The following BCAS3 variants were observed in gnomAD, a reference collection of about 807,000 sequenced individuals.
The protein encoded by BCAS3 is BCAS4/BCAS3 fusion.
Under a neutral mutation model 116.1 loss-of-function variants are expected in BCAS3, and 53 were observed. That is an observed-to-expected ratio of 0.46 (90% CI 0.37 to 0.57). BCAS3 has a LOEUF of 0.57. BCAS3 is among the 20% of genes least tolerant of loss of function. The probability of loss-of-function intolerance (pLI) is 0.00; values close to 1 mark genes in which losing one functional copy is unlikely to be tolerated. For synonymous variants in BCAS3, 391 were observed against 408.2 expected (o/e 0.96, Z 0.51); for missense variants, 917 against 1,165.4 (o/e 0.79, Z 3.10).
At chr17:60,882,153 T>C (rs995376416) in intron 9 of BCAS3, among the ~76,000 whole-genome samples, 4 of 152,122 alleles carry the variant, frequency 2.6e-5, no homozygotes, top group Non-Finnish European at 5.9e-5. Flanking sequence ...TGAGATGGTA[T>C]CTCATTGTGG....
At chr17:60,978,455 C>G (rs1192872997) in intron 14 of BCAS3, among the ~76,000 whole-genome samples, 1 of 148,328 alleles carries the variant, frequency 6.7e-6, no homozygotes. Flanking sequence ...TGTAGGTTGC[C>G]TGTTCACTCT....
At chr17:60,742,128 G>A (rs556854994) in intron 5 of BCAS3, among the ~76,000 whole-genome samples, 2 of 152,264 alleles carry the variant, frequency 1.3e-5, no homozygotes, top group East Asian at 1.9e-4. Flanking sequence ...TTAATATTCT[G>A]TTGGGCACTA....
At position 61,352,868 on chromosome 17, in the gene BCAS3, C is replaced by T. The variant is rs1179552962; in HGVS notation, c.2426-15459C>T. On this transcript the variant is annotated intron_variant, in intron 22 of 23. Coordinates refer to ENST00000407086, the MANE Select transcript of BCAS3 (RefSeq NM_017679.5). The surrounding 1 kb of genome is among the most constrained non-coding windows in gnomAD (Gnocchi z 4.7). ...GAGAAGGCCTGGTGCCGCCACACTC[C>T]TGCTCGGCTCCTAGGCTGCTAGCGG... Among the ~76,000 whole-genome samples, 1 of 152,208 alleles carries T rather than the reference C, an allele frequency of 6.6e-6. No homozygotes were observed. Among genetic ancestry groups the T allele is most frequent in the Non-Finnish European group, 1.5e-5 (1 of 68,038 alleles).
rs16944747 is a variant in BCAS3, at chr17:61,026,905, C to G, written c.1638-7761C>G. ...GAGCGGGGTGTTTTTCCATAAAAGC[C>G]CCATGGTGAGTTCCAGTTCAGTCCC... is the stretch of plus-strand genomic sequence containing the variant. On this transcript the variant is annotated intron_variant, in intron 16 of 23. Transcript: ENST00000407086. This position sits in a 1 kb window ranked among gnomAD's most constrained non-coding sequence, Gnocchi z 5.0. 1 of 1,601,230 alleles carries G rather than the reference C, an allele frequency of 6.2e-7. No homozygotes were observed. The highest frequency in any genetic ancestry group is 1.7e-5 in the Admixed American group (1 of 58,586).
chr17:60,910,422 A>T, intron 11 of BCAS3, 110 bp from the exon 12 acceptor site: 1 of 881,940 alleles, frequency 1.1e-6, no homozygotes, highest in Non-Finnish European at 1.6e-6. Flanking sequence ...GCTATAAAAG[A>T]TTGTAAGAGA....
intron 5 of BCAS3, among the ~76,000 whole-genome samples, chr17:60,746,888 A>C (rs2042052250): frequency 6.6e-6 from 1 of 152,178 alleles, no homozygotes; most frequent in African/African-American, 2.4e-5. Flanking sequence ...TTTTGTTCTC[A>C]AAGAAGGCAG....
chr17:60,819,136 G>A (rs1261787792), intron 7 of BCAS3, among the ~76,000 whole-genome samples: 1 of 152,266 alleles, frequency 6.6e-6, no homozygotes, highest in Admixed American at 6.5e-5. Context: ...ATAAACAGGA[G>A]TCACTAGTAT....
chr17:61,275,602 T>C (rs746401852), intron 22 of BCAS3, among the ~76,000 whole-genome samples: 1 of 152,178 alleles, frequency 6.6e-6, no homozygotes, highest in Non-Finnish European at 1.5e-5. Context: ...GCCTTGTCAG[T>C]GCCTTTAGCC....
chr17:61,192,274 T>TAAAAAAAAAAAAAAAAA (rs2080192666), intron 22 of BCAS3, among the ~76,000 whole-genome samples: 1 of 58,340 alleles, frequency 1.7e-5, no homozygotes, highest in Non-Finnish European at 4.6e-5. Flanking sequence ...AAACATAGAG[T>TAAAAAAAAAAAAAAAAA]TTAGAAACGT....
intron 22 of BCAS3, among the ~76,000 whole-genome samples, chr17:61,275,769 G>A (rs889390579): frequency 4.6e-5 from 7 of 152,184 alleles, no homozygotes; most frequent in African/African-American, 1.7e-4. Context: ...ATCAGTGACG[G>A]TAAGCATAAA....
At chr17:60,772,254 G>C (rs1330673165) in intron 6 of BCAS3, among the ~76,000 whole-genome samples, 1 of 152,006 alleles carries the variant, frequency 6.6e-6, no homozygotes, top group South Asian at 2.1e-4. Flanking sequence ...CATTCTAACT[G>C]GTGTGAGATG....
At chr17:61,111,693 C>A (rs1026028811) in intron 22 of BCAS3, among the ~76,000 whole-genome samples, 1 of 138,784 alleles carries the variant, frequency 7.2e-6, no homozygotes, top group South Asian at 2.6e-4. Flanking sequence ...CTTCCCCAAT[C>A]TAGCAAGGCA....
In BCAS3 at chr17:61,208,395, A is replaced by T. The variant is rs985420549; in HGVS notation, c.2425+123831A>T. Among the ~76,000 whole-genome samples, 1 of 152,214 alleles carries T rather than the reference A, an allele frequency of 6.6e-6. No individual in the cohort carries two copies. Among genetic ancestry groups the T allele is most frequent in the Non-Finnish European group, 1.5e-5 (1 of 68,022 alleles). Reference sequence around the variant, plus strand: ...ATCCATAGTTTCATTTTCTAACATTATTAATGATTAATCTTGAAGCACCGA... The same window carrying T: ...ATCCATAGTTTCATTTTCTAACATTTTTAATGATTAATCTTGAAGCACCGA... On this transcript the variant is annotated intron_variant, in intron 22 of 23. Coordinates refer to ENST00000407086, the MANE Select transcript of BCAS3 (RefSeq NM_017679.5). This position sits in a 1 kb window ranked among gnomAD's most constrained non-coding sequence, Gnocchi z 4.5.
chr17:60,997,931 C>T (rs7222012), intron 15 of BCAS3, among the ~76,000 whole-genome samples: 4,516 of 152,214 alleles, frequency 0.03, 231 homozygotes, highest in African/African-American at 0.1. Context: ...GTTGGACTTC[C>T]ATTGATTCCG....
At chr17:61,030,490 G>C (rs2066555258) in intron 16 of BCAS3, among the ~76,000 whole-genome samples, 3 of 152,034 alleles carry the variant, frequency 2.0e-5, no homozygotes, top group Non-Finnish European at 4.4e-5. Flanking sequence ...GAAAAATGGG[G>C]AACTTTAGTA....
Position 61,243,161 on chromosome 17 carries a change from C to T in BCAS3, c.2426-125166C>T, listed in dbSNP as rs546350316. 2.4e-4 allele frequency among the ~76,000 whole-genome samples: 37 copies of T among 152,288 alleles called. No individual in the cohort carries two copies. Among genetic ancestry groups the T allele is most frequent in the Admixed American group, 7.2e-4 (11 of 15,300 alleles). On this transcript the variant is annotated intron_variant, in intron 22 of 23. Coordinates refer to ENST00000407086, the MANE Select transcript of BCAS3 (RefSeq NM_017679.5). The surrounding 1 kb of genome is among the most constrained non-coding windows in gnomAD (Gnocchi z 5.6). ...TCCTGACCTCGTGATCCGCCCGCCA[C>T]GGCCTCCCAAAGTGCTGGGATTACA... is the stretch of plus-strand genomic sequence containing the variant.
intron 7 of BCAS3, among the ~76,000 whole-genome samples, chr17:60,818,899 G>C (rs752269324): frequency 3.9e-5 from 6 of 152,084 alleles, no homozygotes; most frequent in Non-Finnish European, 8.8e-5. Context: ...TAGCATACCA[G>C]GTGATCCAAT....
Position 60,692,873 on chromosome 17 carries a change from C to T in BCAS3, c.214+3112C>T, listed in dbSNP as rs151029855. ...TCGCGCCACTGCACTCCAGCCTGGG[C>T]GACAGAGAGATATCCTTTCTCAAAA... On this transcript the variant is annotated intron_variant, in intron 4 of 23. Transcript: ENST00000407086. 2.7e-3 allele frequency among the ~76,000 whole-genome samples: 258 copies of T among 94,114 alleles called. 8 individuals are homozygous for T. The highest frequency in any genetic ancestry group is 7.9e-3 in the Admixed American group (65 of 8,236). 61.7% of individuals were successfully genotyped at this position (94,114 alleles called of 152,430 possible). A position where few individuals can be genotyped will look rare whatever the true frequency, so the allele number is the denominator to read the frequency against.
chr17:61,118,973 A>G lies in BCAS3; in HGVS notation c.2425+34409A>G, dbSNP rs11079415. Reference sequence around the variant, plus strand: ...ACGTTGACAGTTTCTGTGTTTGTCAATTACTTTAATATTCTATATATTTTT... The same window carrying G: ...ACGTTGACAGTTTCTGTGTTTGTCAGTTACTTTAATATTCTATATATTTTT... On this transcript the variant is annotated intron_variant, in intron 22 of 23. Coordinates refer to ENST00000407086, the MANE Select transcript of BCAS3 (RefSeq NM_017679.5). This position sits in a 1 kb window ranked among gnomAD's most constrained non-coding sequence, Gnocchi z 5.0. Among the ~76,000 whole-genome samples, 694 of 152,114 alleles carry G rather than the reference A, an allele frequency of 4.6e-3. 20 individuals carry two copies. In the East Asian group the frequency reaches 0.088, roughly 19 times the overall value.
Sources: allele counts gnomAD v4.1 joint callset (sites outside exome capture counted in the v4.1 genomes callset), GRCh38; gene constraint gnomAD v4.1.1; non-coding constraint Gnocchi (gnomAD v3.1); transcripts MANE v1.5; gene names NCBI Gene and HGNC (gene_info 2026-07-23, HGNC 2026-07-21).